The following LMLN variants were observed in gnomAD, a reference collection of about 807,000 sequenced individuals.
The protein encoded by LMLN is leishmanolysin-like peptidase.
LMLN carries 70 observed loss-of-function variants against 92.3 expected under a neutral mutation model. The observed-to-expected ratio is 0.76, with a 90% CI of 0.63 to 0.92. LMLN has a LOEUF of 0.92. Ranked by LOEUF, LMLN falls within the 40% of genes least tolerant of loss-of-function variation. LMLN has a pLI of 0.00. For missense variants in LMLN, 691 were observed against 814.6 expected, an observed-to-expected ratio of 0.85 and a Z score of 1.85; for synonymous variants, 308 against 296.2, an observed-to-expected ratio of 1.04 and a Z score of -0.41.
chr3:197,981,377 A>G (rs148078569), intron 6 of LMLN, among the ~76,000 whole-genome samples: 298 of 152,298 alleles, frequency 2.0e-3, no homozygotes, highest in African/African-American at 7.0e-3. Flanking sequence ...GTGTCCAAAA[A>G]ACAACAATAA....
intron 14 of LMLN, among the ~76,000 whole-genome samples, chr3:198,034,300 G>A (rs1723152297): frequency 2.0e-5 from 3 of 152,182 alleles, no homozygotes; most frequent in African/African-American, 4.8e-5. Context: ...ACAACTTTGA[G>A]GTTTTTTTTA....
chr3:198,021,613 G>T lies in LMLN; in HGVS notation c.1525+8G>T, dbSNP rs757907956. On this transcript the variant is annotated splice_region_variant and intron_variant, in intron 13 of 15. Coordinates refer to ENST00000330198, the Ensembl canonical transcript of LMLN. ...TATTGGAAAATCAACCAGGTTAGTC[G>T]GCTAGTGAAATGAAGTATTATATAC... 2 of 1,612,204 alleles carry T rather than the reference G, an allele frequency of 1.2e-6. No homozygotes were observed. Among genetic ancestry groups the T allele is most frequent in the Non-Finnish European group, 1.7e-6 (2 of 1,178,562 alleles).
rs916229046 is a variant in LMLN at position 198,025,597 on chromosome 3, G to A, written c.1656+809G>A. 2.0e-5 allele frequency among the ~76,000 whole-genome samples: 3 copies of A among 152,094 alleles called. No individual in the cohort carries two copies. Among genetic ancestry groups the A allele is most frequent in the African/African-American group, 7.2e-5 (3 of 41,408 alleles). ...GTTGCCCAGGCTAGATTAGAACTTCGGGGCCCAAGCAATCCTCTTGCCTTG... is the reference window on the plus strand; with the variant it reads ...GTTGCCCAGGCTAGATTAGAACTTCAGGGCCCAAGCAATCCTCTTGCCTTG... On this transcript the variant is annotated intron_variant, in intron 14 of 15. Coordinates refer to ENST00000330198, the Ensembl canonical transcript of LMLN. The surrounding 1 kb of genome is among the most constrained non-coding windows in gnomAD (Gnocchi z 4.3).
intron 5 of LMLN, among the ~76,000 whole-genome samples, chr3:197,978,793 C>G (rs1464589271): frequency 2.0e-5 from 3 of 152,076 alleles, no homozygotes; most frequent in Non-Finnish European, 4.4e-5. Context: ...GAGTTCAAGA[C>G]CAGCCTGGCC....
intron 11 of LMLN, among the ~76,000 whole-genome samples, chr3:198,014,128 T>C (rs1393354950): frequency 2.2e-5 from 3 of 138,820 alleles, no homozygotes; most frequent in South Asian, 2.5e-4. Context: ...GACTTCTCTG[T>C]ACCCTTCAGA....
intron 10 of LMLN, among the ~76,000 whole-genome samples, chr3:197,998,017 A>T (rs1207337372): frequency 3.3e-5 from 5 of 152,246 alleles, no homozygotes; most frequent in South Asian, 4.1e-4. Flanking sequence ...TTGAGAAAAG[A>T]TTCCCTTCGA....
intron 1 of LMLN, among the ~76,000 whole-genome samples, chr3:197,973,459 G>T (rs1721286262): frequency 6.6e-6 from 1 of 152,058 alleles, no homozygotes; most frequent in Admixed American, 6.6e-5. Flanking sequence ...AGCCAGGATG[G>T]TCTCAGTCTC....
At chr3:197,968,579 AT>A (rs1469937594) in intron 1 of LMLN, among the ~76,000 whole-genome samples, 1 of 151,838 alleles carries the variant, frequency 6.6e-6, no homozygotes, top group Non-Finnish European at 1.5e-5. Context: ...AAAAGTATTA[AT>A]TTTGGGAACT....
Position 198,020,766 on chromosome 3 carries a change from G to GTTTGTTTTTTT in LMLN, c.1366-679_1366-678insTTGTTTTTTTT, listed in dbSNP as rs1260852398. On this transcript the variant is annotated intron_variant, in intron 12 of 15. Coordinates refer to ENST00000330198, the Ensembl canonical transcript of LMLN. ...GCGCCACCACACCCAGCTAATTTTT[G>GTTTGTTTTTTT]TATTTTTTTTTTTTTTTTTTTTTTT... 1.2e-3 allele frequency among the ~76,000 whole-genome samples: 30 copies of GTTTGTTTTTTT among 25,628 alleles called. 2 individuals are homozygous for GTTTGTTTTTTT. The highest frequency in any genetic ancestry group is 5.3e-3 in the African/African-American group (29 of 5,468). The allele number at this position is 25,628 out of a possible 152,430, so 16.8% of individuals were successfully genotyped here.
chr3:197,996,212 A>G, exon 10 of LMLN: 1 of 1,605,156 alleles, frequency 6.2e-7, no homozygotes, highest in Non-Finnish European at 8.5e-7. Context: ...CCAGTTCTAG[A>G]GGGAATGGAA....
At position 198,025,947 on chromosome 3, in the gene LMLN, C is replaced by A. The variant is rs573219137; in HGVS notation, c.1656+1159C>A. ...ATCAAATTAACGTTTTTTTTGGTAA[C>A]TGCTTTTCTTCTTTTCTGTTTTTTT... On this transcript the variant is annotated intron_variant, in intron 14 of 15. Transcript: ENST00000330198. The surrounding 1 kb of genome is among the most constrained non-coding windows in gnomAD (Gnocchi z 4.3). Among the ~76,000 whole-genome samples the A allele has an allele frequency of 6.6e-6, 1 of 151,958 alleles. No individual in the cohort carries two copies. Among genetic ancestry groups the A allele is most frequent in the Non-Finnish European group, 1.5e-5 (1 of 67,972 alleles).
chr3:197,979,323 T>G (rs1721489912), intron 5 of LMLN, among the ~76,000 whole-genome samples: 1 of 152,190 alleles, frequency 6.6e-6, no homozygotes, highest in Admixed American at 6.5e-5. Flanking sequence ...GAGATTATGA[T>G]TACTTGGGAA....
intron 13 of LMLN, among the ~76,000 whole-genome samples, chr3:198,024,420 T>A (rs767363460): frequency 1.3e-5 from 2 of 152,140 alleles, no homozygotes; most frequent in Admixed American, 6.5e-5. Flanking sequence ...TTTCACCACG[T>A]TAGCCAGGAT....
chr3:198,039,806 G>C (rs1257471492), exon 16 of LMLN: 1 of 152,124 alleles, frequency 6.6e-6, no homozygotes, highest in Non-Finnish European at 1.5e-5. Flanking sequence ...CCAGCTTCCA[G>C]AACTGCTATC....
intron 13 of LMLN, among the ~76,000 whole-genome samples, chr3:198,022,482 TG>T (rs1455056803): frequency 2.6e-5 from 4 of 152,264 alleles, no homozygotes; most frequent in Non-Finnish European, 5.9e-5. Context: ...TCTAAATTTT[TG>T]TATTCTTACC....
intron 1 of LMLN, among the ~76,000 whole-genome samples, chr3:197,974,089 T>G (rs1438750788): frequency 6.6e-6 from 1 of 152,218 alleles, no homozygotes; most frequent in Non-Finnish European, 1.5e-5. Context: ...CTAGAAATTA[T>G]GTAAGATCAC....
intron 6 of LMLN, among the ~76,000 whole-genome samples, chr3:197,981,181 G>A (rs1393050490): frequency 1.3e-5 from 2 of 151,906 alleles, no homozygotes; most frequent in African/African-American, 4.8e-5. Context: ...GCTGAGGCGG[G>A]TGGATCATGG....
rs781178859 is a variant in LMLN, at chr3:197,999,253, T to C, written c.1156-13T>C. On this transcript the variant is annotated splice_polypyrimidine_tract_variant and intron_variant, in intron 10 of 15. Coordinates refer to ENST00000330198, the Ensembl canonical transcript of LMLN. ...AGAATCTAGTCTAATTAAACCCTGT[T>C]GGTGATTTTCAGAATGAAGCGATGA... 6.3e-7 allele frequency: 1 copy of C among 1,599,562 alleles called. No individual in the cohort carries two copies. The highest frequency in any genetic ancestry group is 1.1e-5 in the South Asian group (1 of 90,768).
intron 1 of LMLN, among the ~76,000 whole-genome samples, chr3:197,961,131 A>G (rs1720865601): frequency 1.3e-5 from 2 of 152,164 alleles, no homozygotes; most frequent in African/African-American, 2.4e-5. Flanking sequence ...TAAAAAGTAC[A>G]TCGTGTCTGT....
Sources: gnomAD v4.1 joint callset for allele counts (sites outside exome capture counted in the v4.1 genomes callset) on GRCh38, gnomAD v4.1.1 for gene constraint, Gnocchi (gnomAD v3.1) non-coding constraint, MANE v1.5 for transcripts, NCBI Gene and HGNC (gene_info 2026-07-23, HGNC 2026-07-21) for gene names.